The following CRACR2A variants were observed in gnomAD, a reference collection of about 807,000 sequenced individuals.
The protein encoded by CRACR2A is calcium release activated channel regulator 2A.
A neutral mutation model predicts 90.5 loss-of-function variants in CRACR2A; 79 were observed. The observed-to-expected ratio is 0.87, with a 90% CI of 0.73 to 1.05. The LOEUF is 1.05. CRACR2A is among the 50% of genes least tolerant of loss of function. The probability of loss-of-function intolerance (pLI) is 0.00; values close to 1 mark genes in which losing one functional copy is unlikely to be tolerated. For synonymous variants in CRACR2A, 338 were observed against 356.7 expected, an observed-to-expected ratio of 0.95 and a Z score of 0.59; for missense variants, 823 against 897.2, an observed-to-expected ratio of 0.92 and a Z score of 1.06.
At chr12:3,619,611 T>C (rs537369165) in intron 17 of CRACR2A, among the ~76,000 whole-genome samples, 1 of 152,274 alleles carries the variant, frequency 6.6e-6, no homozygotes, top group African/African-American at 2.4e-5. Context: ...AGTCCCTGTG[T>C]GTGCAATGAC....
intron 4 of CRACR2A, among the ~76,000 whole-genome samples, chr12:3,691,999 G>A (rs1945656772): frequency 6.6e-6 from 1 of 152,134 alleles, no homozygotes; most frequent in African/African-American, 2.4e-5. Context: ...GATCTATCTG[G>A]TCAGTTACAT....
intron 15 of CRACR2A, among the ~76,000 whole-genome samples, chr12:3,627,976 A>C (rs1405329531): frequency 6.6e-6 from 1 of 151,736 alleles, no homozygotes; most frequent in Non-Finnish European, 1.5e-5. Flanking sequence ...TCTTCACTGT[A>C]ATACAAGCCA....
intron 15 of CRACR2A, among the ~76,000 whole-genome samples, chr12:3,629,928 T>C (rs10744620): frequency 0.67 from 100,434 of 150,736 alleles, 33,761 homozygotes; most frequent in African/African-American, 0.76. Flanking sequence ...CAACACGGAA[T>C]AACTGGGGAC....
chr12:3,631,541 G>A (rs1050894431), intron 15 of CRACR2A, among the ~76,000 whole-genome samples: 19 of 152,146 alleles, frequency 1.2e-4, no homozygotes, highest in Non-Finnish European at 2.2e-4. Context: ...GTGTTACCAC[G>A]CTCAGCACAC....
chr12:3,736,025 G>T (rs1946444317), intron 1 of CRACR2A, among the ~76,000 whole-genome samples: 1 of 152,112 alleles, frequency 6.6e-6, no homozygotes, highest in South Asian at 2.1e-4. Context: ...CAGGAGGGTG[G>T]GCTTTACTGT....
intron 3 of CRACR2A, among the ~76,000 whole-genome samples, chr12:3,703,653 A>C (rs2137735183): frequency 6.6e-6 from 1 of 152,376 alleles, no homozygotes; most frequent in South Asian, 2.1e-4. Context: ...GACTGAGAAA[A>C]AGTATTTACA....
intron 3 of CRACR2A, among the ~76,000 whole-genome samples, chr12:3,698,983 G>A (rs1945788099): frequency 6.6e-6 from 1 of 152,194 alleles, no homozygotes; most frequent in African/African-American, 2.4e-5. Flanking sequence ...AGGAGATGAG[G>A]TTAATAATAT....
At chr12:3,722,216 T>C (rs1196885108) in intron 2 of CRACR2A, among the ~76,000 whole-genome samples, 1 of 152,168 alleles carries the variant, frequency 6.6e-6, no homozygotes, top group Non-Finnish European at 1.5e-5. Flanking sequence ...TCTAACAGGG[T>C]TATTCCTTAT....
At chr12:3,618,689 C>T (rs1307885303) in intron 18 of CRACR2A, among the ~76,000 whole-genome samples, 2 of 152,196 alleles carry the variant, frequency 1.3e-5, no homozygotes, top group Non-Finnish European at 2.9e-5. Flanking sequence ...AAAACAAACT[C>T]TGAGGCAGTA....
chr12:3,748,690 A>C (rs1161833557), intron 1 of CRACR2A, among the ~76,000 whole-genome samples: 4 of 152,162 alleles, frequency 2.6e-5, no homozygotes, highest in African/African-American at 9.7e-5. Flanking sequence ...CTTCAGAGAA[A>C]GGGCAGAGCA....
intron 6 of CRACR2A, 138 bp from the exon 7 acceptor site, chr12:3,673,730 C>T (rs771708658): frequency 8.5e-6 from 9 of 1,063,038 alleles, no homozygotes; most frequent in South Asian, 3.4e-5. Context: ...TAACGTGGAC[C>T]GAATGCTTGC....
chr12:3,724,261 G>C (rs746529985), intron 2 of CRACR2A, among the ~76,000 whole-genome samples: 4 of 152,158 alleles, frequency 2.6e-5, no homozygotes, highest in African/African-American at 4.8e-5. Flanking sequence ...GGAAATGCAC[G>C]CACAAGATCC....
chr12:3,716,509 G>A (rs1260606969), intron 2 of CRACR2A, among the ~76,000 whole-genome samples: 1 of 152,220 alleles, frequency 6.6e-6, no homozygotes, highest in Non-Finnish European at 1.5e-5. Flanking sequence ...TGTCTATGGT[G>A]TTGGCCATCG....
rs1945419968 is a variant in CRACR2A, at chr12:3,680,221, C to CGGA, written c.340+16_340+17insTCC. On this transcript the variant is annotated intron_variant, in intron 5 of 19. Coordinates refer to ENST00000440314, the MANE Select transcript of CRACR2A (RefSeq NM_001144958.2). ...AGACCCATAACCCTGAGGTCCCCAG[C>CGGA]ACCCATCAGAACTTACTAAATCCAG... 5.0e-6 allele frequency: 8 copies of CGGA among 1,602,348 alleles called. No homozygotes were observed. Among genetic ancestry groups the CGGA allele is most frequent in the Non-Finnish European group, 6.8e-6 (8 of 1,169,508 alleles).
At chr12:3,696,360 A>T (rs1344936310) in intron 4 of CRACR2A, among the ~76,000 whole-genome samples, 1 of 152,248 alleles carries the variant, frequency 6.6e-6, no homozygotes, top group Non-Finnish European at 1.5e-5. Context: ...AAATGACCTC[A>T]GAAATGCCTT....
chr12:3,653,143 T>C (rs148835887), intron 10 of CRACR2A, among the ~76,000 whole-genome samples: 3,294 of 152,256 alleles, frequency 0.022, 127 homozygotes, highest in African/African-American at 0.074. Flanking sequence ...CCATCATGCC[T>C]GGCTAATTTT....
chr12:3,619,228 G>A (rs367605910), intron 18 of CRACR2A, 43 bp downstream of exon 18: 1 of 1,506,956 alleles, frequency 6.6e-7, no homozygotes, highest in Non-Finnish European at 9.0e-7. Context: ...ACTTCCCTCG[G>A]GGTCACACTC....
chr12:3,684,156 GATATCC>G (rs1401191678), intron 4 of CRACR2A, among the ~76,000 whole-genome samples: 2 of 152,128 alleles, frequency 1.3e-5, no homozygotes, highest in African/African-American at 4.8e-5. Context: ...AAAATCAGAG[GATATCC>G]ATTTTTTATG....
In CRACR2A at chr12:3,696,927, C is replaced by G; in HGVS notation, c.73G>C (p.Gly25Arg). ...LGQGSGQGPK[G>R]SGACLHPLDS... ...AGGGGATGCAGGCAGGCTCCACTCC[C>G]CTTTGGCCCCTGGCCAGACCCCTGA... is the stretch of plus-strand genomic sequence containing the variant. Residue 25 changes from glycine to arginine, a missense_variant, in exon 4 of 20, where the codon GGG becomes CGG. Gly to Arg is a moderately radical substitution (Grantham distance 125). Coordinates refer to ENST00000440314, the MANE Select transcript of CRACR2A (RefSeq NM_001144958.2). The G allele has an allele frequency of 6.2e-7, 1 of 1,614,232 alleles. No homozygotes were observed. The highest frequency in any genetic ancestry group is 8.5e-7 in the Non-Finnish European group (1 of 1,180,042).
Sources: gnomAD v4.1 joint callset for allele counts (sites outside exome capture counted in the v4.1 genomes callset) on GRCh38, gnomAD v4.1.1 for gene constraint, MANE v1.5 for transcripts, NCBI Gene and HGNC (gene_info 2026-07-23, HGNC 2026-07-21) for gene names.